PPFIA2: variants seen among roughly 807,000 people sequenced by gnomAD.
The protein encoded by PPFIA2 is PPFI scaffold protein A2, also known as liprin-alpha-2.
A neutral mutation model predicts 175.5 loss-of-function variants in PPFIA2; 46 were observed. That is an observed-to-expected ratio of 0.26 (90% CI 0.21 to 0.34). The LOEUF is 0.34. Ranked by LOEUF, PPFIA2 falls within the 10% of genes least tolerant of loss-of-function variation. The probability of loss-of-function intolerance (pLI) is 1.00; values close to 1 mark genes in which losing one functional copy is unlikely to be tolerated. For missense variants in PPFIA2, 1,179 were observed against 1,506.1 expected (o/e 0.78, Z 3.60); for synonymous variants, 568 against 511.4 (o/e 1.11, Z -1.49).
intron 4 of PPFIA2, among the ~76,000 whole-genome samples, chr12:81,595,256 T>G (rs1170630106): frequency 6.8e-6 from 1 of 146,066 alleles, no homozygotes; most frequent in Non-Finnish European, 1.5e-5. Context: ...ATATATATAC[T>G]TTAAACAAAC....
chr12:81,577,381 A>G (rs1031656489), intron 4 of PPFIA2, among the ~76,000 whole-genome samples: 2 of 151,892 alleles, frequency 1.3e-5, no homozygotes, highest in African/African-American at 4.8e-5. Context: ...GCAAGTAGAT[A>G]TAACCGTCAA....
chr12:81,316,153 A>T (rs1333829088), intron 22 of PPFIA2, among the ~76,000 whole-genome samples: 1 of 151,506 alleles, frequency 6.6e-6, no homozygotes, highest in Non-Finnish European at 1.5e-5. Flanking sequence ...TTTGTATTGA[A>T]TTTTTTGTCT....
chr12:81,688,241 C>T (rs866976352), intron 3 of PPFIA2, among the ~76,000 whole-genome samples: 1 of 151,724 alleles, frequency 6.6e-6, no homozygotes, highest in Non-Finnish European at 1.5e-5. Context: ...CAAATTTATT[C>T]CTCTTTAAAT....
intron 7 of PPFIA2, chr12:81,431,466 C>T (rs1372070666): frequency 6.6e-6 from 1 of 152,112 alleles, no homozygotes; most frequent in African/African-American, 2.4e-5. Context: ...TCAACATTAA[C>T]AATCCAATCT....
At chr12:81,286,312 ATAAAG>A (rs1339756833) in intron 24 of PPFIA2, among the ~76,000 whole-genome samples, 2 of 152,122 alleles carry the variant, frequency 1.3e-5, no homozygotes. Context: ...TGTGTGTAGT[ATAAAG>A]TATAGTGTTT....
chr12:81,624,495 T>C lies in PPFIA2; in HGVS notation c.303+52296A>G, dbSNP rs1595734903. Among the ~76,000 whole-genome samples, 3 of 146,914 alleles carry C rather than the reference T, an allele frequency of 2.0e-5. No homozygotes were observed. The East Asian group carries it at 5.8e-4, about 29-fold the overall frequency. On this transcript the variant is annotated intron_variant, in intron 4 of 32. Transcript: ENST00000549396. ...ATATATATATATCATACATTAATGA[T>C]ACTATATATTATTATATGTATAATA...
At chr12:81,434,640 A>C (rs1219755319) in intron 7 of PPFIA2, among the ~76,000 whole-genome samples, 1 of 152,114 alleles carries the variant, frequency 6.6e-6, no homozygotes, top group East Asian at 1.9e-4. Flanking sequence ...TAGGAGAAAT[A>C]ACTTCTCTGG....
intron 4 of PPFIA2, among the ~76,000 whole-genome samples, chr12:81,630,881 C>CTATATATATATATATATATATA (rs67242917): frequency 7.1e-6 from 1 of 140,662 alleles, no homozygotes; most frequent in African/African-American, 2.6e-5. Context: ...TATGGAAAGG[C>CTATATATATATATATATATATA]TATATATATA....
chr12:81,445,773 C>G (rs1394707209), intron 5 of PPFIA2, 53 bp from the exon 6 acceptor site: 1 of 1,507,014 alleles, frequency 6.6e-7, no homozygotes, highest in Non-Finnish European at 9.0e-7. Context: ...GTCATAAATA[C>G]TTACAAATGA....
chr12:81,624,944 C>A (rs1209190496), intron 4 of PPFIA2, among the ~76,000 whole-genome samples: 1 of 151,550 alleles, frequency 6.6e-6, no homozygotes, highest in African/African-American at 2.4e-5. Flanking sequence ...ATCCATGTAA[C>A]AAAAATCCAC....
intron 3 of PPFIA2, among the ~76,000 whole-genome samples, chr12:81,677,230 G>C (rs1444296315): frequency 6.6e-6 from 1 of 151,468 alleles, no homozygotes; most frequent in Non-Finnish European, 1.5e-5. Flanking sequence ...TATTTTTTAT[G>C]AATACATAAT....
At position 81,287,919 on chromosome 12, in the gene PPFIA2, A is replaced by T. The variant is rs1450678431; in HGVS notation, c.2926-3616T>A. 2.6e-5 allele frequency among the ~76,000 whole-genome samples: 4 copies of T among 151,832 alleles called. 1 individual carries two copies. The highest frequency in any genetic ancestry group is 9.7e-5 in the African/African-American group (4 of 41,410). Reference sequence around the variant, plus strand: ...TATAACTTGGTTGTGGTTCTCTGAGATCCCCTTAAAATTATCTACTCACTG... The same window carrying T: ...TATAACTTGGTTGTGGTTCTCTGAGTTCCCCTTAAAATTATCTACTCACTG... On this transcript the variant is annotated intron_variant, in intron 24 of 32. Coordinates refer to ENST00000549396, the MANE Select transcript of PPFIA2 (RefSeq NM_003625.5).
chr12:81,372,937 C>T (rs1287044676), intron 11 of PPFIA2, among the ~76,000 whole-genome samples: 1 of 150,742 alleles, frequency 6.6e-6, no homozygotes, highest in Admixed American at 6.6e-5. Context: ...AATATTGTGC[C>T]CAAGATATAT....
intron 4 of PPFIA2, among the ~76,000 whole-genome samples, chr12:81,653,966 A>G (rs2153536261): frequency 6.6e-6 from 1 of 152,192 alleles, no homozygotes; most frequent in East Asian, 1.9e-4. Context: ...AAATATAGTA[A>G]TATGTGCGTA....
chr12:81,322,723 C>T (rs75945802), intron 22 of PPFIA2, among the ~76,000 whole-genome samples: 24,139 of 151,940 alleles, frequency 0.16, 2,083 homozygotes, highest in Middle Eastern at 0.22. Flanking sequence ...GACTTTAGGC[C>T]GAGGTTACGT....
intron 3 of PPFIA2, among the ~76,000 whole-genome samples, chr12:81,737,925 C>T (rs1194087491): frequency 6.6e-6 from 1 of 151,420 alleles, no homozygotes; most frequent in East Asian, 1.9e-4. Context: ...AGGGGGGAAA[C>T]AGAATGTGAT....
At chr12:81,329,984 G>A (rs1231827103) in intron 21 of PPFIA2, among the ~76,000 whole-genome samples, 1 of 152,210 alleles carries the variant, frequency 6.6e-6, no homozygotes, top group Non-Finnish European at 1.5e-5. Flanking sequence ...TGTAGGGCTT[G>A]CGAAGGCTCA....
chr12:81,373,953 C>A (rs184650619), intron 11 of PPFIA2, among the ~76,000 whole-genome samples: 5 of 152,026 alleles, frequency 3.3e-5, no homozygotes, highest in Non-Finnish European at 7.4e-5. Context: ...TAACTTGTGA[C>A]ATATACATAC....
chr12:81,753,154 C>T (rs565780658), intron 3 of PPFIA2, among the ~76,000 whole-genome samples: 2 of 151,990 alleles, frequency 1.3e-5, no homozygotes, highest in Non-Finnish European at 1.5e-5. Context: ...AGGCTGGTCT[C>T]GAACTCCTGA....
Sources: gnomAD v4.1 joint callset for allele counts (sites outside exome capture counted in the v4.1 genomes callset) on GRCh38, gnomAD v4.1.1 for gene constraint, MANE v1.5 for transcripts, NCBI Gene and HGNC (gene_info 2026-07-23, HGNC 2026-07-21) for gene names.